Variants in INAVA observed in about 807,000 individuals in gnomAD.
INAVA encodes the protein innate immunity activator protein.
In INAVA, 32 loss-of-function variants were observed where a neutral mutation model predicts 55.3. The ratio of observed to expected loss-of-function variants is 0.58; its 90% CI spans 0.44 to 0.78. The LOEUF (loss-of-function observed/expected upper bound fraction) is 0.78. Among genes scored for constraint, INAVA ranks in the 30% least tolerant of loss-of-function variants. INAVA has a pLI of 0.00. For synonymous variants in INAVA, 294 were observed against 329.4 expected, an observed-to-expected ratio of 0.89 and a Z score of 1.16; for missense variants, 756 against 786.4, an observed-to-expected ratio of 0.96 and a Z score of 0.46.
At position 200,911,943 on chromosome 1, in the gene INAVA, C is replaced by G; in HGVS notation, c.1450C>G (p.Pro484Ala). 1 of 1,552,244 alleles carries G rather than the reference C, an allele frequency of 6.4e-7. No individual in the cohort carries two copies. Among genetic ancestry groups the G allele is most frequent in the East Asian group, 2.4e-5 (1 of 42,002 alleles). The change falls in exon 9 of 10, where the codon CCC becomes GCC. Residue 484 changes from proline (P) to alanine (A), a missense_variant. Pro to Ala is a conservative substitution (Grantham distance 27, BLOSUM62 -1). This residue lies in a region of INAVA where 117 missense variants were observed against 162.1 expected (regional missense o/e 0.72). Transcript: ENST00000413687. ...CTCCCGCAGCCGCATCGTGCGGACG[C>G]CCTCCCTGAAGGACAGCCCGGCAGG... is the stretch of plus-strand genomic sequence containing the variant. ...VPSRSRIVRT[P>A]SLKDSPAGRG...
At chr1:200,898,093 G>A (rs773120895) in intron 1 of INAVA, among the ~76,000 whole-genome samples, 2 of 152,092 alleles carry the variant, frequency 1.3e-5, no homozygotes, top group Non-Finnish European at 2.9e-5. Flanking sequence ...GTTAGGCTGG[G>A]CCCCTGAGAG....
Position 200,911,635 on chromosome 1 carries a change from A to G in INAVA, c.1142A>G (p.His381Arg). Residue 381 changes from histidine (H) to arginine (R), a missense_variant, in exon 9 of 10, where the codon CAC becomes CGC. This residue lies in a region of INAVA where 639 missense variants were observed against 624.3 expected (regional missense o/e 1.02). Coordinates refer to ENST00000413687, the MANE Select transcript of INAVA (RefSeq NM_001142569.3). ...DSGSDVSSIS[H>R]PTSPGSSSPD... ...GGCTCTGACGTCTCCAGCATCTCCC[A>G]CCCCACTTCGCCGGGCAGCAGCAGC... The G allele has an allele frequency of 6.2e-7, 1 of 1,612,374 alleles. No homozygotes were observed. Among genetic ancestry groups the G allele is most frequent in the Non-Finnish European group, 8.5e-7 (1 of 1,179,568 alleles).
At chr1:200,904,220 C>T (rs1057359746) in intron 5 of INAVA, among the ~76,000 whole-genome samples, 47 of 152,212 alleles carry the variant, frequency 3.1e-4, no homozygotes, top group African/African-American at 1.1e-3. Context: ...TCCTGAGTAG[C>T]TGGGACTGCA....
In INAVA at chr1:200,911,644, C is replaced by T. The variant is rs868123316; in HGVS notation, c.1151C>T (p.Ser384Leu). The T allele has an allele frequency of 2.5e-6, 4 of 1,614,028 alleles. No homozygotes were observed. Among genetic ancestry groups the T allele is most frequent in the Admixed American group, 1.7e-5 (1 of 60,034 alleles). Residue 384 changes from serine (S) to leucine (L), a missense_variant, in exon 9 of 10, where the codon TCG (serine) becomes TTG (leucine). Physicochemically the swap from Ser to Leu is moderately radical, Grantham distance 145. Around this residue, in one of 2 missense-constraint regions of INAVA, gnomAD observed 639 missense variants for 624.3 expected, o/e 1.02. Transcript: ENST00000413687. ...SDVSSISHPT[S>L]PGSSSPDISF... is the part of the protein sequence containing the mutation. Reference sequence around the variant, plus strand: ...GTCTCCAGCATCTCCCACCCCACTTCGCCGGGCAGCAGCAGCCCCGACATC... The same window carrying T: ...GTCTCCAGCATCTCCCACCCCACTTTGCCGGGCAGCAGCAGCCCCGACATC...
In INAVA at chr1:200,913,484, G is replaced by A. The variant is rs534367078; in HGVS notation, c.1645-53G>A. 85 of 1,441,666 alleles carry A rather than the reference G, an allele frequency of 5.9e-5. No individual in the cohort carries two copies. The South Asian group carries it at 6.6e-4, about 11-fold the overall frequency. The allele number at this position is 1,441,666 out of a possible 1,614,324, so 89.3% of individuals were successfully genotyped here. ...TGGTGTAACTGTGCCTGCTGTCCCC[G>A]CTTTTCTGCCTGGTTCATTTACCCA... On this transcript the variant is annotated intron_variant, in intron 9 of 9. Transcript: ENST00000413687.
intron 5 of INAVA, among the ~76,000 whole-genome samples, chr1:200,903,286 C>G (rs1469922399): frequency 1.3e-5 from 2 of 152,126 alleles, no homozygotes; most frequent in African/African-American, 4.8e-5. Flanking sequence ...GAGTTCAAGA[C>G]CAGCCTGGCC....
At chr1:200,905,972 T>G (rs1355468409) in intron 5 of INAVA, among the ~76,000 whole-genome samples, 1 of 152,244 alleles carries the variant, frequency 6.6e-6, no homozygotes, top group East Asian at 1.9e-4. Flanking sequence ...CTTTGTTGAA[T>G]GTATAACCTA....
At chr1:200,900,401 G>A (rs1653193686) in intron 4 of INAVA, among the ~76,000 whole-genome samples, 181 bp downstream of exon 4, 1 of 152,206 alleles carries the variant, frequency 6.6e-6, no homozygotes, top group African/African-American at 2.4e-5. Flanking sequence ...GTGGAGAAGG[G>A]GCGCCACTAA....
At position 200,899,684 on chromosome 1, in the gene INAVA, G is replaced by A. The variant is rs79727279; in HGVS notation, c.180+87G>A. On this transcript the variant is annotated intron_variant, in intron 3 of 9. Transcript: ENST00000413687. ...TGGGGATGCGGGAGCTGGGGAGAGG[G>A]AGCCCCATTCTTGAGGGAATTCTGG... is the stretch of plus-strand genomic sequence containing the variant. The A allele has an allele frequency of 2.9e-3, 4,400 of 1,530,292 alleles. 42 individuals are homozygous for A. The highest frequency in any genetic ancestry group is 0.014 in the South Asian group (1,126 of 81,324). 94.8% of individuals were successfully genotyped at this position (1,530,292 alleles called of 1,614,324 possible).
In INAVA at chr1:200,896,988, C is replaced by A. The variant is rs145896029; in HGVS notation, c.-94-1319C>A. 3.1e-3 allele frequency among the ~76,000 whole-genome samples: 473 copies of A among 152,380 alleles called. 4 individuals are homozygous for A. The highest frequency in any genetic ancestry group is 0.011 in the African/African-American group (447 of 41,596). ...CTCTCTTTCCAGACCCAACCACCTG[C>A]ATGGGCTCCGCCCACCCCTCCCACC... On this transcript the variant is annotated intron_variant, in intron 1 of 9. Transcript: ENST00000413687.
intron 5 of INAVA, among the ~76,000 whole-genome samples, chr1:200,903,588 TGAG>T (rs1460292583): frequency 6.6e-6 from 1 of 151,736 alleles, no homozygotes; most frequent in Non-Finnish European, 1.5e-5. Context: ...GTGGATCACT[TGAG>T]GTCGGGAGTT....
chr1:200,909,589 T>A (rs921886944), intron 8 of INAVA, among the ~76,000 whole-genome samples, 192 bp downstream of exon 8: 6 of 152,232 alleles, frequency 3.9e-5, no homozygotes, highest in African/African-American at 1.4e-4. Context: ...AGGCCATCCA[T>A]GAAGCAAGTG....
In INAVA at chr1:200,894,936, C is replaced by CCGAGACGGA. The variant is rs1234123872; in HGVS notation, c.-243_-235dup. The CCGAGACGGA allele has an allele frequency of 1.0e-6, 1 of 985,662 alleles. No individual in the cohort carries two copies. The highest frequency in any genetic ancestry group is 1.1e-4 in the East Asian group (1 of 8,930). 61.1% of individuals were successfully genotyped at this position (985,662 alleles called of 1,614,324 possible). A position where few individuals can be genotyped will look rare whatever the true frequency, so the allele number is the denominator to read the frequency against. On this transcript the variant is annotated 5_prime_UTR_variant, in exon 1 of 10. Coordinates refer to ENST00000413687, the MANE Select transcript of INAVA (RefSeq NM_001142569.3). Reference sequence around the variant, plus strand: ...AGGGACGGCAAGGTAGGCAGGTGAGCCGAGACGGACGGACGGCCAGCAGCT... The same window carrying CCGAGACGGA: ...AGGGACGGCAAGGTAGGCAGGTGAGCCGAGACGGACGAGACGGACGGACGGCCAGCAGCT...
chr1:200,900,443 A>G (rs895350875), intron 4 of INAVA, among the ~76,000 whole-genome samples: 6 of 152,208 alleles, frequency 3.9e-5, no homozygotes, highest in African/African-American at 9.7e-5. Context: ...AAGGGAGGAC[A>G]CTGGGTTTGA....
At chr1:200,900,845 G>A (rs1221022381) in intron 4 of INAVA, 92 bp from the exon 5 acceptor site, 8 of 938,062 alleles carry the variant, frequency 8.5e-6, no homozygotes, top group African/African-American at 8.3e-5. Flanking sequence ...CTTAGGACTG[G>A]GACCTAGAGC....
Position 200,911,724 on chromosome 1 carries a change from G to T in INAVA, c.1231G>T (p.Val411Phe), listed in dbSNP as rs1213910785. The T allele has an allele frequency of 6.8e-6, 11 of 1,612,660 alleles. No individual in the cohort carries two copies. The South Asian group carries it at 1.1e-4, about 16-fold the overall frequency. ...PKTHRHRGAW[V>F]PAGSRELVAH... ...GACCCATCGTCACCGCGGGGCCTGG[G>T]TCCCAGCCGGCAGCAGAGAGCTGGT... The change falls in exon 9 of 10, where the codon GTC (valine) becomes TTC (phenylalanine). Residue 411 changes from valine (V) to phenylalanine (F), a missense_variant. Around this residue, in one of 2 missense-constraint regions of INAVA, gnomAD observed 639 missense variants for 624.3 expected, o/e 1.02. Coordinates refer to ENST00000413687, the MANE Select transcript of INAVA (RefSeq NM_001142569.3).
chr1:200,895,903 G>A lies in INAVA; in HGVS notation c.-95+816G>A, dbSNP rs141956322. On this transcript the variant is annotated intron_variant, in intron 1 of 9. Coordinates refer to ENST00000413687, the MANE Select transcript of INAVA (RefSeq NM_001142569.3). ...GAACCAAGCCTTGAGCCCACAGCCA[G>A]GGGCTCTGGGCATCTGACGCTGTTC... 5.9e-5 allele frequency among the ~76,000 whole-genome samples: 9 copies of A among 152,290 alleles called. No homozygotes were observed. In the East Asian group the frequency reaches 1.5e-3, roughly 26 times the overall value.
intron 5 of INAVA, among the ~76,000 whole-genome samples, chr1:200,904,630 G>A (rs1446558514): frequency 6.6e-6 from 1 of 152,214 alleles, no homozygotes; most frequent in Non-Finnish European, 1.5e-5. Flanking sequence ...TGTCTGGGGT[G>A]TCCTGCGATG....
In INAVA at chr1:200,911,654, C is replaced by G; in HGVS notation, c.1161C>G (p.Ser387Arg). ...SSISHPTSPG[S>R]SSPDISFLQP... is the part of the protein sequence containing the mutation. ...TCTCCCACCCCACTTCGCCGGGCAG[C>G]AGCAGCCCCGACATCTCCTTTCTGC... is the stretch of plus-strand genomic sequence containing the variant. Residue 387 changes from serine to arginine, a missense_variant, in exon 9 of 10, where the codon AGC becomes AGG. Transcript: ENST00000413687. The G allele has an allele frequency of 6.2e-7, 1 of 1,614,076 alleles. No individual in the cohort carries two copies. The highest frequency in any genetic ancestry group is 8.5e-7 in the Non-Finnish European group (1 of 1,179,972).
Sources: allele counts gnomAD v4.1 joint callset (sites outside exome capture counted in the v4.1 genomes callset), GRCh38; gene constraint gnomAD v4.1.1; regional missense constraint gnomAD v4.1.1; transcripts MANE v1.5; gene names NCBI Gene and HGNC (gene_info 2026-07-23, HGNC 2026-07-21).